ZMAT4: variants seen among roughly 807,000 people sequenced by gnomAD.
ZMAT4 encodes zinc finger matrin-type protein 4.
ZMAT4 carries 17 observed loss-of-function variants against 28.7 expected under a neutral mutation model. That is an observed-to-expected ratio of 0.59 (90% CI 0.41 to 0.89). ZMAT4 has a LOEUF of 0.89. Among genes scored for constraint, ZMAT4 ranks in the 40% least tolerant of loss-of-function variants. The probability of loss-of-function intolerance (pLI) is 0.00; values close to 1 mark genes in which losing one functional copy is unlikely to be tolerated. For missense variants in ZMAT4, 240 were observed against 283.8 expected (o/e 0.85, Z 1.11); for synonymous variants, 117 against 109.2 (o/e 1.07, Z -0.44).
chr8:40,674,446 T>C (rs1249969771), intron 5 of ZMAT4: 17 of 424,564 alleles, frequency 4.0e-5, no homozygotes, highest in Non-Finnish European at 5.5e-5. Flanking sequence ...AGGAAAACAA[T>C]CTGGTTCATG....
In ZMAT4 at chr8:40,833,540, C is replaced by CAAAAAAAAAAAAAAAAA. The variant is rs57458575; in HGVS notation, c.-4-7877_-4-7861dup. On this transcript the variant is annotated intron_variant, in intron 1 of 6. Transcript: ENST00000297737. ...CCGAGATCATACCACTACACTCCAG[C>CAAAAAAAAAAAAAAAAA]AAAAAAAAAAAAAAAAAAGACATGA... 1.5e-3 allele frequency among the ~76,000 whole-genome samples: 131 copies of CAAAAAAAAAAAAAAAAA among 87,036 alleles called. 1 individual carries two copies. Among genetic ancestry groups the CAAAAAAAAAAAAAAAAA allele is most frequent in the South Asian group, 2.4e-3 (5 of 2,106 alleles). The allele number at this position is 87,036 out of a possible 152,430, so 57.1% of individuals were successfully genotyped here. A position where few individuals can be genotyped will look rare whatever the true frequency, so the allele number is the denominator to read the frequency against.
intron 6 of ZMAT4, among the ~76,000 whole-genome samples, chr8:40,535,225 A>G (rs1802809738): frequency 6.6e-6 from 1 of 152,168 alleles, no homozygotes; most frequent in Non-Finnish European, 1.5e-5. Flanking sequence ...GATGAGAATC[A>G]CATCTGTAGG....
chr8:40,648,057 G>A (rs911371009), intron 5 of ZMAT4, among the ~76,000 whole-genome samples: 16 of 152,348 alleles, frequency 1.1e-4, no homozygotes, highest in Admixed American at 3.3e-4. Context: ...ACCAGCAACG[G>A]AACAAAGCTG....
At chr8:40,655,508 A>G (rs1189848979) in intron 5 of ZMAT4, among the ~76,000 whole-genome samples, 2 of 152,044 alleles carry the variant, frequency 1.3e-5, no homozygotes, top group African/African-American at 4.8e-5. Context: ...AGTCTGGAAA[A>G]AAAAAAAGAA....
intron 6 of ZMAT4, among the ~76,000 whole-genome samples, chr8:40,578,534 A>G (rs1804343836): frequency 6.6e-6 from 1 of 150,600 alleles, no homozygotes; most frequent in Non-Finnish European, 1.5e-5. Context: ...ACAACTTACT[A>G]AAAAAAAATT....
intron 4 of ZMAT4, among the ~76,000 whole-genome samples, chr8:40,694,091 A>G (rs904559754): frequency 1.3e-5 from 2 of 152,032 alleles, no homozygotes; most frequent in Admixed American, 6.6e-5. Context: ...TTTTTATTAT[A>G]GAAGCAATTT....
Position 40,581,220 on chromosome 8 carries a change from G to A in ZMAT4, c.619C>T (p.Leu207=), listed in dbSNP as rs532046092. The change falls in exon 6 of 7, where the codon CTA becomes TTA. Residue 207 remains leucine (L), a synonymous_variant. Transcript: ENST00000297737. The stretch of plus-strand genomic sequence containing the variant: ...GCATGATACTGTTCTATTGAGTTTA[G>A]GGAGACACTGCAGATGGTACATCTG... ...NYRCTICSVS[L]NSIEQYHAHL... is the part of the protein sequence containing the mutation. 74 of 1,613,462 alleles carry A rather than the reference G, an allele frequency of 4.6e-5. No individual in the cohort carries two copies. The highest frequency in any genetic ancestry group is 3.3e-4 in the Middle Eastern group (2 of 6,052).
chr8:40,562,397 G>A lies in ZMAT4; in HGVS notation c.674+18768C>T, dbSNP rs118109419. Among the ~76,000 whole-genome samples, 1,117 of 152,224 alleles carry A rather than the reference G, an allele frequency of 7.3e-3. 6 individuals carry two copies. Among genetic ancestry groups the A allele is most frequent in the Non-Finnish European group, 0.01 (691 of 68,002 alleles). On this transcript the variant is annotated intron_variant, in intron 6 of 6. Coordinates refer to ENST00000297737, the MANE Select transcript of ZMAT4 (RefSeq NM_024645.3). ...AGGGGCCAGGGAGGAAGTTCACTGGGTAGCACTTTTGACCCAACATGTCTA... is the reference window on the plus strand; with the variant it reads ...AGGGGCCAGGGAGGAAGTTCACTGGATAGCACTTTTGACCCAACATGTCTA...
Position 40,767,825 on chromosome 8 carries a change from A to G in ZMAT4, c.103-95T>C. 6 of 983,366 alleles carry G rather than the reference A, an allele frequency of 6.1e-6. No homozygotes were observed. In the South Asian group the frequency reaches 8.7e-5, roughly 14 times the overall value. 60.9% of individuals were successfully genotyped at this position (983,366 alleles called of 1,614,324 possible). On this transcript the variant is annotated intron_variant, in intron 2 of 6. Transcript: ENST00000297737. Reference sequence around the variant, plus strand: ...TGCCCGCAAATGCAAAAAGAAATGTATTTTCAGTAGAAGACACTTCTGCAT... The same window carrying G: ...TGCCCGCAAATGCAAAAAGAAATGTGTTTTCAGTAGAAGACACTTCTGCAT...
chr8:40,609,192 C>G (rs1462004056), intron 5 of ZMAT4, among the ~76,000 whole-genome samples: 1 of 152,110 alleles, frequency 6.6e-6, no homozygotes, highest in Non-Finnish European at 1.5e-5. Context: ...ATAATAAAAA[C>G]AAAAGCTTAT....
chr8:40,800,386 T>C (rs6474276), intron 2 of ZMAT4, among the ~76,000 whole-genome samples: 86,393 of 151,960 alleles, frequency 0.57, 24,799 homozygotes, highest in East Asian at 0.66. Flanking sequence ...CATTAATCAA[T>C]GGAATATAAT....
intron 6 of ZMAT4, among the ~76,000 whole-genome samples, chr8:40,558,540 T>C (rs567761042): frequency 1.5e-3 from 233 of 152,170 alleles, no homozygotes; most frequent in Non-Finnish European, 2.8e-3. Flanking sequence ...GAACTGCCAT[T>C]ATCTTCAAGA....
chr8:40,723,863 G>T (rs545843739), intron 3 of ZMAT4, among the ~76,000 whole-genome samples: 1 of 152,204 alleles, frequency 6.6e-6, no homozygotes, highest in South Asian at 2.1e-4. Context: ...CCCCTGTGTG[G>T]GTAGTGAGAG....
At chr8:40,884,270 C>T (rs928763759) in intron 1 of ZMAT4, among the ~76,000 whole-genome samples, 1 of 151,848 alleles carries the variant, frequency 6.6e-6, no homozygotes. Flanking sequence ...CACTCCCTCA[C>T]CCACTCAAGG....
chr8:40,700,408 TTTC>T lies in ZMAT4; in HGVS notation c.193-3010_193-3008del, dbSNP rs199655177. Among the ~76,000 whole-genome samples the T allele has an allele frequency of 2.4e-4, 27 of 114,378 alleles. 10 individuals carry two copies. The highest frequency in any genetic ancestry group is 2.2e-4 in the Non-Finnish European group (12 of 54,668). 75.0% of individuals were successfully genotyped at this position (114,378 alleles called of 152,430 possible). A position where few individuals can be genotyped will look rare whatever the true frequency, so the allele number is the denominator to read the frequency against. Reference sequence around the variant, plus strand: ...ACTTCCTTGAGGGGAAGCTGCTGCTTTTCTTTTTTTTTTTTTTTTTTTTTTTGG... The same window carrying T: ...ACTTCCTTGAGGGGAAGCTGCTGCTTTTTTTTTTTTTTTTTTTTTTTTTGG... On this transcript the variant is annotated intron_variant, in intron 3 of 6. Coordinates refer to ENST00000297737, the MANE Select transcript of ZMAT4 (RefSeq NM_024645.3).
At chr8:40,670,246 A>G (rs1441037159) in intron 5 of ZMAT4, among the ~76,000 whole-genome samples, 2 of 152,232 alleles carry the variant, frequency 1.3e-5, no homozygotes, top group African/African-American at 4.8e-5. Context: ...TCACACAATC[A>G]AAAGATGTTC....
chr8:40,873,676 T>C (rs978927793), intron 1 of ZMAT4, among the ~76,000 whole-genome samples: 8 of 152,194 alleles, frequency 5.3e-5, no homozygotes, highest in Admixed American at 3.3e-4. Flanking sequence ...GCTCTGCCCA[T>C]GGAAGATCTA....
At chr8:40,550,607 C>T (rs562832366) in intron 6 of ZMAT4, among the ~76,000 whole-genome samples, 1 of 152,262 alleles carries the variant, frequency 6.6e-6, no homozygotes, top group Admixed American at 6.5e-5. Context: ...TTCCCTCATG[C>T]TGTTCTCGTG....
chr8:40,691,021 T>C (rs1809639276), intron 4 of ZMAT4: 1 of 708,884 alleles, frequency 1.4e-6, no homozygotes, highest in African/African-American at 1.9e-5. Context: ...AGTGAGAGCC[T>C]TGGATTTTGA....
Sources: allele counts gnomAD v4.1 joint callset (sites outside exome capture counted in the v4.1 genomes callset), GRCh38; gene constraint gnomAD v4.1.1; transcripts MANE v1.5; gene names NCBI Gene and HGNC (gene_info 2026-07-23, HGNC 2026-07-21).